The following SYTL2 variants were observed in gnomAD, a reference collection of about 807,000 sequenced individuals.
The protein encoded by SYTL2 is synaptotagmin-like protein 2.
SYTL2 carries 165 observed loss-of-function variants against 198.7 expected under a neutral mutation model. The ratio of observed to expected loss-of-function variants is 0.83; its 90% CI spans 0.73 to 0.94. SYTL2 has a LOEUF of 0.94. SYTL2 is among the 40% of genes least tolerant of loss of function. SYTL2 has a pLI of 0.00. For synonymous variants in SYTL2, 966 were observed against 917.7 expected, an observed-to-expected ratio of 1.05 and a Z score of -0.95; for missense variants, 2,835 against 2,582.8, an observed-to-expected ratio of 1.10 and a Z score of -2.12.
At chr11:85,823,793 G>T in the SYTL2 span, among the ~76,000 whole-genome samples, 1 of 152,116 alleles carries the variant, frequency 6.6e-6, no homozygotes, top group African/African-American at 2.4e-5. Context: ...TTTTACTCCG[G>T]GTTACTTCTT....
chr11:85,849,315 T>C, the SYTL2 span, among the ~76,000 whole-genome samples: 2 of 152,350 alleles, frequency 1.3e-5, no homozygotes, highest in South Asian at 2.1e-4. Context: ...TTTGTCAATT[T>C]TGTCTTTTGT....
chr11:85,780,866 G>A (rs1277632664), intron 1 of SYTL2, among the ~76,000 whole-genome samples: 2 of 152,210 alleles, frequency 1.3e-5, no homozygotes, highest in Non-Finnish European at 2.9e-5. Flanking sequence ...ACAGTCTTGT[G>A]GGACTGGGCC....
rs1235512841 is a variant in SYTL2, at chr11:85,727,480, T to C, written c.1878A>G (p.Glu626=). ...MNLSQKGTPK[E]GPGILQPFES... The stretch of plus-strand genomic sequence containing the variant: ...CAAATGGTTGCAATATACCTGGGCC[T>C]TCCTTTGGGGTGCCTTTTTGGGACA... The change falls in exon 8 of 20, where the codon GAA becomes GAG. Residue 626 remains glutamate (E), a synonymous_variant. Coordinates refer to ENST00000359152, the MANE Select transcript of SYTL2 (RefSeq NM_206927.4). The C allele has an allele frequency of 1.3e-6, 2 of 1,535,980 alleles. No individual in the cohort carries two copies. The highest frequency in any genetic ancestry group is 1.7e-6 in the Non-Finnish European group (2 of 1,146,892).
the SYTL2 span, among the ~76,000 whole-genome samples, chr11:85,840,232 G>A: frequency 2.0e-5 from 3 of 152,034 alleles, no homozygotes; most frequent in African/African-American, 7.2e-5. Flanking sequence ...CGCCCATATT[G>A]TAGATTATCT....
chr11:85,739,097 A>G (rs1388114062), intron 4 of SYTL2, among the ~76,000 whole-genome samples: 1 of 152,188 alleles, frequency 6.6e-6, no homozygotes. Flanking sequence ...CTCGCATAGT[A>G]AAGTGGGAGA....
At chr11:85,752,621 T>C (rs1015352112) in intron 2 of SYTL2, among the ~76,000 whole-genome samples, 3 of 152,214 alleles carry the variant, frequency 2.0e-5, no homozygotes, top group South Asian at 2.1e-4. Flanking sequence ...ACCTTTTACA[T>C]GACACATCGT....
At chr11:85,789,340 G>GTATATATATATATATATATATATATATA in intron 1 of SYTL2, among the ~76,000 whole-genome samples, 1 of 62,526 alleles carries the variant, frequency 1.6e-5, no homozygotes, top group Non-Finnish European at 2.7e-5. Flanking sequence ...GTGTGTGTGT[G>GTATATATATATATATATATATATATATA]TATATATATA....
At chr11:85,779,190 T>A (rs2092513720) in intron 1 of SYTL2, among the ~76,000 whole-genome samples, 1 of 152,198 alleles carries the variant, frequency 6.6e-6, no homozygotes, top group African/African-American at 2.4e-5. Context: ...TGCTAAGTGA[T>A]GATAAAACCA....
At chr11:85,716,614 G>T (rs2087279075) in intron 11 of SYTL2, 1 of 151,696 alleles carries the variant, frequency 6.6e-6, no homozygotes, top group Non-Finnish European at 1.5e-5. Flanking sequence ...GGCCCTGAGG[G>T]TAGACATGTG....
chr11:85,801,172 T>C (rs1308941718), intron 1 of SYTL2, among the ~76,000 whole-genome samples: 1 of 152,200 alleles, frequency 6.6e-6, no homozygotes, highest in African/African-American at 2.4e-5. Flanking sequence ...ACCACAATAG[T>C]GCATGCTAAG....
rs765893417 is a variant in SYTL2 at position 85,724,077 on chromosome 11, C to A, written c.5281G>T (p.Asp1761Tyr). 5.8e-6 allele frequency: 9 copies of A among 1,556,328 alleles called. No individual in the cohort carries two copies. In the African/African-American group the frequency reaches 6.9e-5, roughly 12 times the overall value. Residue 1761 changes from aspartate to tyrosine, a missense_variant, in exon 8 of 20, where the codon GAT (aspartate) becomes TAT (tyrosine). Physicochemically the swap from Asp to Tyr is radical, Grantham distance 160. This residue lies in a region of SYTL2 where 2,645 missense variants were observed against 2,381.7 expected (regional missense o/e 1.11). Transcript: ENST00000359152. ...TCTGCATTAGAACTGGTGTTTCCATCTGAAAAATCAGACTCAGAGAAACCT... is the reference window on the plus strand; with the variant it reads ...TCTGCATTAGAACTGGTGTTTCCATATGAAAAATCAGACTCAGAGAAACCT... ...KEGFSESDFS[D>Y]GNTSSNAESW... is the part of the protein sequence containing the mutation.
chr11:85,740,641 G>A (rs1233481127), intron 4 of SYTL2, among the ~76,000 whole-genome samples: 1 of 152,162 alleles, frequency 6.6e-6, no homozygotes, highest in Non-Finnish European at 1.5e-5. Context: ...CATTCCACAT[G>A]ATAAGATTTT....
At chr11:85,714,703 T>C (rs1481542791) in intron 11 of SYTL2, 196 bp from the exon 12 acceptor site, 2 of 1,160,006 alleles carry the variant, frequency 1.7e-6, no homozygotes, top group Non-Finnish European at 2.2e-6. Flanking sequence ...GAGAGAGAAC[T>C]AGCAAGGAGT....
At position 85,695,243 on chromosome 11, in the gene SYTL2, T is replaced by C. The variant is rs776157002; in HGVS notation, c.6672A>G (p.Glu2224=). The change falls in exon 20 of 20, where the codon GAA becomes GAG. Residue 2224 remains glutamate, a synonymous_variant. Transcript: ENST00000359152. Reference sequence around the variant, plus strand: ...AAAGCATTCTGAGAGGCAGTGTTGCTTCAATCCAAGTATTGGGGGAGTTTA... The same window carrying C: ...AAAGCATTCTGAGAGGCAGTGTTGCCTCAATCCAAGTATTGGGGGAGTTTA... ...KMVNSPNTWI[E]ATLPLRMLLI... is the part of the protein sequence containing the mutation. The C allele has an allele frequency of 6.2e-7, 1 of 1,613,014 alleles. No homozygotes were observed. The highest frequency in any genetic ancestry group is 1.3e-5 in the African/African-American group (1 of 74,916).
At chr11:85,748,199 C>T (rs534497869) in intron 3 of SYTL2, 73 bp downstream of exon 3, 14 of 1,490,612 alleles carry the variant, frequency 9.4e-6, no homozygotes, top group Non-Finnish European at 1.3e-5. Flanking sequence ...AGATTTCTGA[C>T]ACCATTCCCT....
Position 85,717,524 on chromosome 11 carries a change from T to A in SYTL2, c.5489A>T (p.Lys1830Ile). ...ATTTGTAACTGGCTTCTGATCTGGT[T>A]TCTCATCTACTCAGGAGGGCAACAT... ...ELVRSAEDDE[K>I]PDQKPVTNEC... Residue 1830 changes from lysine to isoleucine, a missense_variant, in exon 11 of 20, where the codon AAA becomes ATA. Coordinates refer to ENST00000359152, the MANE Select transcript of SYTL2 (RefSeq NM_206927.4). 6.2e-7 allele frequency: 1 copy of A among 1,612,842 alleles called. No homozygotes were observed. Among genetic ancestry groups the A allele is most frequent in the Non-Finnish European group, 8.5e-7 (1 of 1,179,014 alleles).
chr11:85,701,638 C>T (rs1388759963), intron 16 of SYTL2, among the ~76,000 whole-genome samples: 1 of 152,162 alleles, frequency 6.6e-6, no homozygotes, highest in Non-Finnish European at 1.5e-5. Flanking sequence ...GAAATAAGTG[C>T]TTCAAGTGAT....
At chr11:85,775,125 C>G (rs987325605) in intron 1 of SYTL2, among the ~76,000 whole-genome samples, 3 of 152,102 alleles carry the variant, frequency 2.0e-5, no homozygotes, top group African/African-American at 4.8e-5. Context: ...CAGTGCAAAG[C>G]CTTTTTAGAA....
chr11:85,765,856 C>T (rs79874699), intron 1 of SYTL2, among the ~76,000 whole-genome samples: 376 of 152,290 alleles, frequency 2.5e-3, no homozygotes, highest in African/African-American at 8.2e-3. Flanking sequence ...TGCTAGGCCA[C>T]AGGTTTAAAC....
Sources: allele counts gnomAD v4.1 joint callset (sites outside exome capture counted in the v4.1 genomes callset), GRCh38; gene constraint gnomAD v4.1.1; regional missense constraint gnomAD v4.1.1; transcripts MANE v1.5; gene names NCBI Gene and HGNC (gene_info 2026-07-23, HGNC 2026-07-21).